HTRA1: variants seen among roughly 807,000 people sequenced by gnomAD.
HTRA1 encodes HtrA serine peptidase 1, also known as serine protease HTRA1.
HTRA1 carries 26 observed loss-of-function variants against 49.7 expected under a neutral mutation model. That is an observed-to-expected ratio of 0.52 (90% CI 0.38 to 0.73). HTRA1 has a LOEUF of 0.73. HTRA1 is among the 30% of genes least tolerant of loss of function. HTRA1 has a pLI of 0.00. For missense variants in HTRA1, 561 were observed against 667.2 expected, an observed-to-expected ratio of 0.84 and a Z score of 1.75; for synonymous variants, 291 against 286.9, an observed-to-expected ratio of 1.01 and a Z score of -0.14.
intron 6 of HTRA1, 74 bp from the exon 7 acceptor site, chr10:122,510,021 GC>G: frequency 5.4e-6 from 7 of 1,305,106 alleles, no homozygotes; most frequent in Non-Finnish European, 7.8e-6. Flanking sequence ...GGGGGATTGG[GC>G]CCCCGGCCCC....
intron 1 of HTRA1, among the ~76,000 whole-genome samples, chr10:122,468,401 TGTCATCATC>T (rs2097484685): frequency 8.1e-6 from 1 of 123,296 alleles, no homozygotes; most frequent in Non-Finnish European, 1.7e-5. Context: ...GTGTTGTCAT[TGTCATCATC>T]ATCATCATCA....
At chr10:122,510,010 TGG>T in intron 6 of HTRA1, 84 bp from the exon 7 acceptor site, 1 of 1,154,688 alleles carries the variant, frequency 8.7e-7, no homozygotes, top group Non-Finnish European at 1.3e-6. Flanking sequence ...TCCTGCAACC[TGG>T]GGGATTGGGC....
At chr10:122,472,438 C>T (rs562574769) in intron 1 of HTRA1, among the ~76,000 whole-genome samples, 2 of 150,660 alleles carry the variant, frequency 1.3e-5, no homozygotes, top group East Asian at 3.9e-4. Context: ...GCTCCATCAC[C>T]CAGGCTGGAG....
Position 122,476,630 on chromosome 10 carries a change from C to T in HTRA1, c.473-12272C>T, listed in dbSNP as rs555159564. On this transcript the variant is annotated intron_variant, in intron 1 of 8. Coordinates refer to ENST00000368984, the MANE Select transcript of HTRA1 (RefSeq NM_002775.5). ...TTTGCAGGCACTCGGTCCCAGTTGT[C>T]CTGGGCCTGCAGCCCTTGCATTCTC... Among the ~76,000 whole-genome samples, 80 of 152,352 alleles carry T rather than the reference C, an allele frequency of 5.3e-4. 1 individual carries two copies. The South Asian group carries it at 0.014, about 26-fold the overall frequency.
intron 1 of HTRA1, among the ~76,000 whole-genome samples, chr10:122,478,075 C>T (rs1433435897): frequency 2.0e-5 from 3 of 152,166 alleles, no homozygotes; most frequent in Non-Finnish European, 4.4e-5. Context: ...CACATCTCAT[C>T]CTTAACCCTG....
In HTRA1 at chr10:122,461,941, G is replaced by A; in HGVS notation, c.289G>A (p.Ala97Thr). The A allele has an allele frequency of 6.7e-7, 1 of 1,486,024 alleles. No homozygotes were observed. The highest frequency in any genetic ancestry group is 8.9e-7 in the Non-Finnish European group (1 of 1,125,144). 92.1% of individuals were successfully genotyped at this position (1,486,024 alleles called of 1,614,324 possible). ...GTGCGTGGTGCCCTTCGGGGTGCCA[G>A]CCTCGGCCACGGTGCGGCGGCGCGC... ...LQCVVPFGVP[A>T]SATVRRRAQA... Residue 97 changes from alanine (A) to threonine (T), a missense_variant, in exon 1 of 9, where the codon GCC becomes ACC. Physicochemically the swap from Ala to Thr is moderately conservative, Grantham distance 58. Around this residue, in one of 3 missense-constraint regions of HTRA1, gnomAD observed 271 missense variants for 410.0 expected, o/e 0.66. Transcript: ENST00000368984.
intron 1 of HTRA1, among the ~76,000 whole-genome samples, chr10:122,474,543 G>T (rs1330728476): frequency 6.6e-6 from 1 of 152,206 alleles, no homozygotes; most frequent in Non-Finnish European, 1.5e-5. Context: ...AGGCTGGAGG[G>T]CTAGGGAGAC....
At chr10:122,503,857 G>A (rs1418883875) in intron 3 of HTRA1, among the ~76,000 whole-genome samples, 2 of 152,172 alleles carry the variant, frequency 1.3e-5, no homozygotes, top group African/African-American at 2.4e-5. Context: ...ATGTCTGAGT[G>A]GATGAAAACC....
intron 3 of HTRA1, among the ~76,000 whole-genome samples, chr10:122,499,220 C>T (rs1414120404): frequency 6.6e-6 from 1 of 152,070 alleles, no homozygotes; most frequent in East Asian, 1.9e-4. Context: ...TCGACTTCCC[C>T]ACCCCTAGCC....
intron 3 of HTRA1, 149 bp downstream of exon 3, chr10:122,489,775 A>G: frequency 2.6e-6 from 2 of 771,466 alleles, no homozygotes; most frequent in South Asian, 3.0e-5. Context: ...GGAGATGCTG[A>G]GTATGGCCTG....
chr10:122,480,592 C>T (rs532704556), intron 1 of HTRA1, among the ~76,000 whole-genome samples: 77 of 152,212 alleles, frequency 5.1e-4, no homozygotes, highest in African/African-American at 1.3e-3. Context: ...GTTGTCTGGC[C>T]GAGGCAGCAT....
intron 3 of HTRA1, among the ~76,000 whole-genome samples, chr10:122,496,225 G>GTTTTGTT (rs1287521208): frequency 8.7e-5 from 7 of 80,382 alleles, no homozygotes; most frequent in African/African-American, 3.6e-4. Flanking sequence ...GAGATTGTGG[G>GTTTTGTT]TTCTTTTTTT....
chr10:122,490,571 A>T lies in HTRA1; in HGVS notation c.777+945A>T, dbSNP rs1472308643. On this transcript the variant is annotated intron_variant, in intron 3 of 8. Transcript: ENST00000368984. This position sits in a 1 kb window ranked among gnomAD's most constrained non-coding sequence, Gnocchi z 4.2. The stretch of plus-strand genomic sequence containing the variant: ...ATCCTTATAATTTTCTAGACTTCAG[A>T]TGGAGGGAACAATCAGAGGAGGCTG... Among the ~76,000 whole-genome samples the T allele has an allele frequency of 6.6e-6, 1 of 152,140 alleles. No homozygotes were observed. Among genetic ancestry groups the T allele is most frequent in the East Asian group, 1.9e-4 (1 of 5,186 alleles).
At chr10:122,475,645 C>A (rs2097488123) in intron 1 of HTRA1, among the ~76,000 whole-genome samples, 1 of 152,242 alleles carries the variant, frequency 6.6e-6, no homozygotes, top group African/African-American at 2.4e-5. Flanking sequence ...TTTCAGGTTT[C>A]CTTTAGACCT....
intron 3 of HTRA1, among the ~76,000 whole-genome samples, chr10:122,499,882 C>A (rs1186400725): frequency 1.3e-5 from 2 of 152,202 alleles, no homozygotes; most frequent in Non-Finnish European, 2.9e-5. Flanking sequence ...CAACACAGGA[C>A]CAGCCTAGAA....
chr10:122,462,042 C>T lies in HTRA1; in HGVS notation c.390C>T (p.Cys130=), dbSNP rs767295649. The T allele has an allele frequency of 2.0e-6, 3 of 1,533,648 alleles. No homozygotes were observed. Among genetic ancestry groups the T allele is most frequent in the South Asian group, 2.4e-5 (2 of 83,934 alleles). Residue 130 remains cysteine, a synonymous_variant, in exon 1 of 9, where the codon TGC becomes TGT. Coordinates refer to ENST00000368984, the MANE Select transcript of HTRA1 (RefSeq NM_002775.5). The part of the protein sequence containing the change: ...GSDANTYANL[C]QLRAASRRSE... ...ACGCCAACACCTACGCCAACCTGTG[C>T]CAGCTGCGCGCCGCCAGCCGCCGCT...
chr10:122,508,595 G>A, intron 5 of HTRA1, 61 bp from the exon 6 acceptor site: 1 of 1,043,562 alleles, frequency 9.6e-7, no homozygotes, highest in African/African-American at 1.6e-5. Flanking sequence ...TATTCTCTCT[G>A]GGTGTGTACC....
intron 3 of HTRA1, among the ~76,000 whole-genome samples, chr10:122,491,658 C>A (rs2097495904): frequency 6.6e-6 from 1 of 152,242 alleles, no homozygotes; most frequent in Non-Finnish European, 1.5e-5. Context: ...CCATCCCTGG[C>A]ATGTCCTGGC....
At chr10:122,485,972 G>A (rs2097492934) in intron 1 of HTRA1, among the ~76,000 whole-genome samples, 1 of 152,190 alleles carries the variant, frequency 6.6e-6, no homozygotes, top group South Asian at 2.1e-4. Flanking sequence ...CATTCGCCAG[G>A]CTCTGTTTTC....
Sources: gnomAD v4.1 joint callset for allele counts (sites outside exome capture counted in the v4.1 genomes callset) on GRCh38, gnomAD v4.1.1 for gene constraint, gnomAD v4.1.1 regional missense constraint, Gnocchi (gnomAD v3.1) non-coding constraint, MANE v1.5 for transcripts, NCBI Gene and HGNC (gene_info 2026-07-23, HGNC 2026-07-21) for gene names.